Variants in CCNF observed in about 807,000 individuals in gnomAD.
CCNF encodes the protein cyclin F.
A neutral mutation model predicts 85.4 loss-of-function variants in CCNF; 30 were observed. That is an observed-to-expected ratio of 0.35 (90% CI 0.26 to 0.48). CCNF has a LOEUF of 0.48. CCNF is among the 20% of genes least tolerant of loss of function. CCNF has a pLI of 0.99. For synonymous variants in CCNF, 439 were observed against 425.1 expected, an observed-to-expected ratio of 1.03 and a Z score of -0.40; for missense variants, 919 against 1,010.4, an observed-to-expected ratio of 0.91 and a Z score of 1.23.
Position 2,439,404 on chromosome 16 carries a change from C to A in CCNF, c.646C>A (p.Gln216Lys), listed in dbSNP as rs763454851. The A allele has an allele frequency of 6.2e-7, 1 of 1,610,936 alleles. No individual in the cohort carries two copies. The highest frequency in any genetic ancestry group is 8.5e-7 in the Non-Finnish European group (1 of 1,179,060). The change falls in exon 7 of 17, where the codon CAG becomes AAG. Residue 216 changes from glutamine (Q) to lysine (K), a missense_variant. Physicochemically the swap from Gln to Lys is moderately conservative, Grantham distance 53. Transcript: ENST00000397066. ...AHDLFEEAAH[Q>K]GCLTSSYLLW... ...TGACCTGTTTGAGGAGGCTGCTCAT[C>A]AGGGATGTCTGACCAGCTCCTACCT...
rs766293412 is a variant in CCNF at position 2,433,059 on chromosome 16, CT to C, written c.273del (p.Phe91LeufsTer14). 6.2e-7 allele frequency: 1 copy of C among 1,604,014 alleles called. No individual in the cohort carries two copies. The highest frequency in any genetic ancestry group is 1.1e-5 in the South Asian group (1 of 90,366). On this transcript the variant is annotated frameshift_variant, in exon 3 of 17. Transcript: ENST00000397066. LOFTEE classifies it high-confidence loss of function. ...GGCCGTCTCCAGGGAACCTGAAGCTCTTTGAAAGGTATCTCTGCACCCTGAG... is the reference window on the plus strand; with the variant it reads ...GGCCGTCTCCAGGGAACCTGAAGCTCTTGAAAGGTATCTCTGCACCCTGAG... ...LWPSPGNLKL[F>X]ERAAEKGNFE...
chr16:2,437,923 G>C (rs1245594849), intron 5 of CCNF, 147 bp from the exon 6 acceptor site: 48 of 359,968 alleles, frequency 1.3e-4, no homozygotes, highest in Non-Finnish European at 4.4e-5. Context: ...AAAAAAAAAA[G>C]ACTGAAATCT....
In CCNF at chr16:2,432,951, T is replaced by G; in HGVS notation, c.172-10T>G. On this transcript the variant is annotated splice_polypyrimidine_tract_variant and intron_variant, in intron 2 of 16. Coordinates refer to ENST00000397066, the MANE Select transcript of CCNF (RefSeq NM_001761.3). ...TCCATCACCCAGCCCCGGCCCCCGT[T>G]GTTCTGCAGGTACACTCCCAGCTGA... The G allele has an allele frequency of 6.4e-7, 1 of 1,573,004 alleles. No individual in the cohort carries two copies. The highest frequency in any genetic ancestry group is 8.7e-7 in the Non-Finnish European group (1 of 1,145,518).
At chr16:2,449,803 A>AT (rs140447786) in intron 12 of CCNF, 25 bp from the exon 13 acceptor site, 76 of 585,206 alleles carry the variant, frequency 1.3e-4, no homozygotes, top group East Asian at 1.0e-3. Context: ...CATCCCCTCC[A>AT]CCCCTGGCCT....
intron 4 of CCNF, 194 bp downstream of exon 4, chr16:2,436,067 GCAGGTTACGA>G: frequency 2.1e-6 from 1 of 473,386 alleles, no homozygotes. Flanking sequence ...CTCTGACTTT[GCAGGTTACGA>G]AAGTCGCCTC....
chr16:2,448,884 G>T lies in CCNF; in HGVS notation c.1124G>T (p.Arg375Leu). 1 of 1,613,856 alleles carries T rather than the reference G, an allele frequency of 6.2e-7. No homozygotes were observed. The highest frequency in any genetic ancestry group is 8.5e-7 in the Non-Finnish European group (1 of 1,179,822). Reference protein sequence around the residue: ...RFISKEILTIREAVWLTDNTY... With the variant: ...RFISKEILTILEAVWLTDNTY... Reference sequence around the variant, plus strand: ...ATCAGTAAAGAGATCCTGACCATCCGGGAGGCCGTATGGCTCACGGACAAC... The same window carrying T: ...ATCAGTAAAGAGATCCTGACCATCCTGGAGGCCGTATGGCTCACGGACAAC... Residue 375 changes from arginine to leucine, a missense_variant, in exon 11 of 17, where the codon CGG (arginine) becomes CTG (leucine). Arg to Leu is a moderately radical substitution (Grantham distance 102). Transcript: ENST00000397066.
chr16:2,450,147 C>T (rs1170666635), intron 13 of CCNF, among the ~76,000 whole-genome samples: 3 of 151,396 alleles, frequency 2.0e-5, no homozygotes, highest in African/African-American at 7.3e-5. Flanking sequence ...GCAGAGGTTG[C>T]AGTGAGTTGA....
rs1383500167 is a variant in CCNF at position 2,458,416 on chromosome 16, A to G, written c.*1396A>G. The G allele has an allele frequency of 6.6e-6, 1 of 151,942 alleles. No individual in the cohort carries two copies. Among genetic ancestry groups the G allele is most frequent in the Admixed American group, 6.6e-5 (1 of 15,236 alleles). 9.4% of individuals were successfully genotyped at this position (151,942 alleles called of 1,614,324 possible). A position where few individuals can be genotyped will look rare whatever the true frequency, so the allele number is the denominator to read the frequency against. ...ACAAGCACCCAACCACGCCCAGCTA[A>G]TTTTTGTATTTTCGGTAGAGACGGG... On this transcript the variant is annotated 3_prime_UTR_variant, in exon 17 of 17. Transcript: ENST00000397066.
intron 2 of CCNF, 131 bp from the exon 3 acceptor site, chr16:2,432,830 G>A: frequency 1.8e-6 from 1 of 565,926 alleles, no homozygotes; most frequent in Non-Finnish European, 3.2e-6. Context: ...CAGAGATTGG[G>A]GACCTCAACT....
rs568425686 is a variant in CCNF at position 2,436,066 on chromosome 16, T to C, written c.346+193T>C. 1.1e-5 allele frequency: 5 copies of C among 475,568 alleles called. No homozygotes were observed. The South Asian group carries it at 1.4e-4, about 14-fold the overall frequency. The allele number at this position is 475,568 out of a possible 1,614,324, so 29.5% of individuals were successfully genotyped here. A position where few individuals can be genotyped will look rare whatever the true frequency, so the allele number is the denominator to read the frequency against. ...GGACCTGCTAATGATACTCTGACTT[T>C]GCAGGTTACGAAAGTCGCCTCTTGT... On this transcript the variant is annotated intron_variant, in intron 4 of 16. Transcript: ENST00000397066.
chr16:2,449,887 C>T lies in CCNF; in HGVS notation c.1459C>T (p.Pro487Ser), dbSNP rs377612641. ...LTGFSYEDLI[P>S]CVLSLHKKCF... is the part of the protein sequence containing the mutation. ...CGGATTCTCCTATGAAGACCTCATT[C>T]CCTGCGTCTTGAGCCTCCATAAGAA... Residue 487 changes from proline to serine, a missense_variant, in exon 13 of 17, where the codon CCC (proline) becomes TCC (serine). Pro to Ser is a moderately conservative substitution (Grantham distance 74). Transcript: ENST00000397066. 8.7e-6 allele frequency: 14 copies of T among 1,605,394 alleles called. No individual in the cohort carries two copies. In the East Asian group the frequency reaches 2.3e-4, roughly 26 times the overall value.
intron 8 of CCNF, among the ~76,000 whole-genome samples, chr16:2,442,635 T>C (rs1408463255): frequency 6.1e-4 from 4 of 6,550 alleles, no homozygotes; most frequent in South Asian, 7.6e-3. Flanking sequence ...TATAATATTA[T>C]ATAATATAAT....
rs2065407535 is a variant in CCNF at position 2,453,582 on chromosome 16, C to G, written c.1715+45C>G. 1.2e-6 allele frequency: 2 copies of G among 1,610,488 alleles called. No individual in the cohort carries two copies. The highest frequency in any genetic ancestry group is 8.5e-7 in the Non-Finnish European group (1 of 1,178,062). ...GGCTGCGCCATACAATGCTGGCATC[C>G]TCGTGCCGGCCCAGTTCCCTCAGCG... is the stretch of plus-strand genomic sequence containing the variant. On this transcript the variant is annotated intron_variant, in intron 15 of 16. Transcript: ENST00000397066. This position sits in a 1 kb window ranked among gnomAD's most constrained non-coding sequence, Gnocchi z 5.6.
intron 8 of CCNF, among the ~76,000 whole-genome samples, chr16:2,440,773 A>T (rs760251490): frequency 1.5e-4 from 23 of 152,026 alleles, no homozygotes; most frequent in Non-Finnish European, 3.2e-4. Context: ...TGTGGTGTTC[A>T]CGTCCAAAAA....
intron 3 of CCNF, among the ~76,000 whole-genome samples, chr16:2,435,164 T>C (rs2065281738): frequency 6.9e-6 from 1 of 145,204 alleles, no homozygotes; most frequent in Non-Finnish European, 1.5e-5. Flanking sequence ...GGCAGGAGAA[T>C]GGTGTGAACC....
chr16:2,456,280 C>A lies in CCNF; in HGVS notation c.1886-265C>A. ...GAAGCCCAGTTAGTGTGAGTCCTGT[C>A]AGTTTCCCGGTTGCTTGCTTCTGCG... On this transcript the variant is annotated intron_variant, in intron 16 of 16. Coordinates refer to ENST00000397066, the MANE Select transcript of CCNF (RefSeq NM_001761.3). The surrounding 1 kb of genome is among the most constrained non-coding windows in gnomAD (Gnocchi z 4.5). 1 of 426,228 alleles carries A rather than the reference C, an allele frequency of 2.3e-6. No homozygotes were observed. The highest frequency in any genetic ancestry group is 4.2e-6 in the Non-Finnish European group (1 of 239,318). The allele number at this position is 426,228 out of a possible 1,614,324, so 26.4% of individuals were successfully genotyped here.
chr16:2,443,159 TTATATATAATA>T (rs2065341917), intron 8 of CCNF, among the ~76,000 whole-genome samples: 1 of 131,890 alleles, frequency 7.6e-6, no homozygotes, highest in African/African-American at 2.8e-5. Context: ...ATAATATATA[TTATATATAATA>T]TATATATAAT....
Position 2,437,866 on chromosome 16 carries a change from T to TC in CCNF, c.541-202dup, listed in dbSNP as rs796705348. The TC allele has an allele frequency of 1.0e-4, 54 of 533,492 alleles. No homozygotes were observed. In the African/African-American group the frequency reaches 1.0e-3, roughly 10 times the overall value. The allele number at this position is 533,492 out of a possible 1,614,324, so 33.0% of individuals were successfully genotyped here. ...ATGAGCCGTGACTATGCCAATGCACTCCAGCCTGGGTGACAGAGCAAGACC... is the reference window on the plus strand; with the variant it reads ...ATGAGCCGTGACTATGCCAATGCACTCCCAGCCTGGGTGACAGAGCAAGACC... On this transcript the variant is annotated intron_variant, in intron 5 of 16. Transcript: ENST00000397066.
Position 2,439,452 on chromosome 16 carries a change from A to G in CCNF, c.694A>G (p.Thr232Ala). The G allele has an allele frequency of 6.2e-7, 1 of 1,606,282 alleles. No individual in the cohort carries two copies. ...CCTCCTCTGGGAAAGCGACAGGAGG[A>G]CAGATGTGAGTGGTGCCTGCTCTGG... The part of the protein sequence containing the change: ...SYLLWESDRR[T>A]DVSDPGRCLH... The change falls in exon 7 of 17, where the codon ACA (threonine) becomes GCA (alanine). Residue 232 changes from threonine to alanine, a missense_variant. By Grantham distance (58) the Thr-to-Ala change is moderately conservative. Coordinates refer to ENST00000397066, the MANE Select transcript of CCNF (RefSeq NM_001761.3).
Sources: allele counts gnomAD v4.1 joint callset (sites outside exome capture counted in the v4.1 genomes callset), GRCh38; gene constraint gnomAD v4.1.1; non-coding constraint Gnocchi (gnomAD v3.1); transcripts MANE v1.5; gene names NCBI Gene and HGNC (gene_info 2026-07-23, HGNC 2026-07-21).